HVCN1: variants seen among roughly 807,000 people sequenced by gnomAD.
HVCN1 encodes the protein hydrogen voltage gated channel 1, also known as voltage-gated hydrogen channel 1.
HVCN1 carries 14 observed loss-of-function variants against 29.2 expected under a neutral mutation model. The ratio of observed to expected loss-of-function variants is 0.48; its 90% CI spans 0.32 to 0.75. The LOEUF is 0.75. Ranked by LOEUF, HVCN1 falls within the 30% of genes least tolerant of loss-of-function variation. HVCN1 has a pLI of 0.04. For missense variants in HVCN1, 263 were observed against 341.8 expected (o/e 0.77, Z 1.82); for synonymous variants, 131 against 133.2 (o/e 0.98, Z 0.11).
In HVCN1 at chr12:110,661,224, G is replaced by A; in HGVS notation, c.246C>T (p.Pro82=). ...TGCCCCTGAAGTCAAGGGGGGCCCT[G>A]GGTGCGGGGCCAGGGGCAGGGGCAA... The part of the protein sequence containing the change: ...PDVAPAPGPA[P]RAPLDFRGML... Residue 82 remains proline, a synonymous_variant, in exon 4 of 8, where the codon CCC becomes CCT. Transcript: ENST00000242607. The surrounding 1 kb of genome is among the most constrained non-coding windows in gnomAD (Gnocchi z 6.2). 1 of 1,613,892 alleles carries A rather than the reference G, an allele frequency of 6.2e-7. No homozygotes were observed. Among genetic ancestry groups the A allele is most frequent in the Non-Finnish European group, 8.5e-7 (1 of 1,179,794 alleles).
Position 110,649,123 on chromosome 12 carries a change from A to G in HVCN1, c.*287T>C, listed in dbSNP as rs1446698875. On this transcript the variant is annotated 3_prime_UTR_variant, in exon 8 of 8. Transcript: ENST00000242607. Reference sequence around the variant, plus strand: ...TCGGTGAGATTAAATTTTATATACAACTAGCAATTGTCCAGCTTTGTTGCT... The same window carrying G: ...TCGGTGAGATTAAATTTTATATACAGCTAGCAATTGTCCAGCTTTGTTGCT... 2 of 663,164 alleles carry G rather than the reference A, an allele frequency of 3.0e-6. No individual in the cohort carries two copies. The highest frequency in any genetic ancestry group is 2.9e-5 in the East Asian group (1 of 34,064). The allele number at this position is 663,164 out of a possible 1,614,324, so 41.1% of individuals were successfully genotyped here. A position where few individuals can be genotyped will look rare whatever the true frequency, so the allele number is the denominator to read the frequency against.
chr12:110,683,159 C>A, intron 3 of HVCN1, 66 bp downstream of exon 3: 1 of 1,606,618 alleles, frequency 6.2e-7, no homozygotes, highest in South Asian at 1.1e-5. Context: ...GTTTGAAACA[C>A]CAAACAGAAT....
chr12:110,669,195 G>A (rs2136343221), intron 3 of HVCN1, among the ~76,000 whole-genome samples: 1 of 152,186 alleles, frequency 6.6e-6, no homozygotes, highest in African/African-American at 2.4e-5. Flanking sequence ...TGGCTGCCCA[G>A]GCCAAGAACA....
chr12:110,653,778 G>A (rs758463080), intron 5 of HVCN1, among the ~76,000 whole-genome samples: 3 of 152,084 alleles, frequency 2.0e-5, no homozygotes, highest in Middle Eastern at 3.2e-3. Flanking sequence ...GGAGGCGGAC[G>A]TTGCAGTGAG....
chr12:110,695,137 G>A (rs2069469339), intron 2 of HVCN1, among the ~76,000 whole-genome samples: 2 of 152,194 alleles, frequency 1.3e-5, no homozygotes, highest in South Asian at 2.1e-4. Context: ...GGCTGGGTGC[G>A]GGGGCTCACG....
At chr12:110,682,239 C>T (rs183506519) in intron 3 of HVCN1, among the ~76,000 whole-genome samples, 94 of 152,260 alleles carry the variant, frequency 6.2e-4, no homozygotes, top group Non-Finnish European at 1.1e-3. Context: ...CCACCTGCCT[C>T]GGCCTCCCAA....
intron 2 of HVCN1, chr12:110,688,302 C>T (rs1031989313): frequency 2.0e-5 from 3 of 152,266 alleles, no homozygotes; most frequent in African/African-American, 7.2e-5. Context: ...ATCCCCCACA[C>T]CCAGCACTGG....
At chr12:110,653,191 G>A (rs1006375453) in intron 5 of HVCN1, among the ~76,000 whole-genome samples, 12 of 152,218 alleles carry the variant, frequency 7.9e-5, no homozygotes, top group African/African-American at 2.9e-4. Flanking sequence ...CGGGTGCAGT[G>A]GCTCACACCT....
intron 2 of HVCN1, among the ~76,000 whole-genome samples, chr12:110,685,683 G>T (rs377598663): frequency 1.6e-3 from 234 of 149,352 alleles, no homozygotes; most frequent in Middle Eastern, 3.4e-3. Context: ...TTTTTTTTTT[G>T]TTGTTGTTGT....
chr12:110,666,128 G>A (rs554978410), intron 3 of HVCN1, among the ~76,000 whole-genome samples: 67 of 151,934 alleles, frequency 4.4e-4, no homozygotes, highest in African/African-American at 1.5e-3. Flanking sequence ...CCAAAGAAAA[G>A]ATCAATGAGG....
intron 2 of HVCN1, among the ~76,000 whole-genome samples, chr12:110,687,015 A>T (rs1246349414): frequency 6.6e-6 from 1 of 152,210 alleles, no homozygotes; most frequent in Non-Finnish European, 1.5e-5. Flanking sequence ...ATAATTCTGA[A>T]GTCTATGTAG....
At chr12:110,683,193 C>G (rs1381189720) in intron 3 of HVCN1, 32 bp downstream of exon 3, 3 of 1,613,856 alleles carry the variant, frequency 1.9e-6, no homozygotes, top group Admixed American at 1.7e-5. Flanking sequence ...CTGGGATATC[C>G]TCTAATGCTG....
At chr12:110,680,710 A>T (rs1181396169) in intron 3 of HVCN1, among the ~76,000 whole-genome samples, 2 of 152,154 alleles carry the variant, frequency 1.3e-5, no homozygotes, top group Admixed American at 6.5e-5. Flanking sequence ...TGAGGCCAGG[A>T]GTTCGAGACC....
upstream of HVCN1, among the ~76,000 whole-genome samples, chr12:110,691,090 T>A (rs1290915439): frequency 6.8e-6 from 1 of 147,852 alleles, no homozygotes. Context: ...TGAGGTGGAG[T>A]CGCGCTCTGT....
chr12:110,701,662 G>C (rs1398407867), intron 2 of HVCN1, among the ~76,000 whole-genome samples: 1 of 152,040 alleles, frequency 6.6e-6, no homozygotes, highest in Non-Finnish European at 1.5e-5. Context: ...TTCAAGACCA[G>C]CCTGGTCAAC....
intron 2 of HVCN1, among the ~76,000 whole-genome samples, chr12:110,697,579 C>A (rs2136509692): frequency 6.6e-6 from 1 of 151,892 alleles, no homozygotes; most frequent in South Asian, 2.1e-4. Context: ...CCAAGACTAG[C>A]ATAGCACCTG....
Position 110,661,045 on chromosome 12 carries a change from G to T in HVCN1, c.306+119C>A. 1 of 974,362 alleles carries T rather than the reference G, an allele frequency of 1.0e-6. No homozygotes were observed. Among genetic ancestry groups the T allele is most frequent in the Non-Finnish European group, 1.6e-6 (1 of 639,714 alleles). 60.4% of individuals were successfully genotyped at this position (974,362 alleles called of 1,614,324 possible). A position where few individuals can be genotyped will look rare whatever the true frequency, so the allele number is the denominator to read the frequency against. On this transcript the variant is annotated intron_variant, in intron 4 of 7. Coordinates refer to ENST00000242607, the MANE Select transcript of HVCN1 (RefSeq NM_032369.4). This position sits in a 1 kb window ranked among gnomAD's most constrained non-coding sequence, Gnocchi z 6.2. ...GTCCCCGGCACGTGGTAGGTGCTGG[G>T]CAAACACTCGTAGAATGAATGAGGC...
intron 2 of HVCN1, among the ~76,000 whole-genome samples, chr12:110,684,474 C>A (rs2136450823): frequency 6.6e-6 from 1 of 152,338 alleles, no homozygotes; most frequent in South Asian, 2.1e-4. Flanking sequence ...GCAGCAGGAG[C>A]TGCTAGTGCT....
chr12:110,651,928 A>C (rs1291234321), intron 5 of HVCN1, among the ~76,000 whole-genome samples: 1 of 152,178 alleles, frequency 6.6e-6, no homozygotes, highest in East Asian at 1.9e-4. Context: ...CCAGTTACTC[A>C]GGAGGCTAGG....
Sources: gnomAD v4.1 joint callset for allele counts (sites outside exome capture counted in the v4.1 genomes callset) on GRCh38, gnomAD v4.1.1 for gene constraint, Gnocchi (gnomAD v3.1) non-coding constraint, MANE v1.5 for transcripts, NCBI Gene and HGNC (gene_info 2026-07-23, HGNC 2026-07-21) for gene names.